Variants in TPO observed in about 807,000 individuals in gnomAD.
TPO encodes the protein thyroid peroxidase, also known as thyroid microsomal antigen.
A neutral mutation model predicts 96.9 loss-of-function variants in TPO; 78 were observed. The ratio of observed to expected loss-of-function variants is 0.81; its 90% CI spans 0.67 to 0.97. TPO has a LOEUF of 0.97. Ranked by LOEUF, TPO falls within the 50% of genes least tolerant of loss-of-function variation. The pLI is 0.00. For missense variants in TPO, 1,252 were observed against 1,274.8 expected (o/e 0.98, Z 0.27); for synonymous variants, 547 against 538.0 (o/e 1.02, Z -0.23).
Position 1,498,336 on chromosome 2 carries a change from G to C in TPO, c.2386+1571G>C, listed in dbSNP as rs572073073. Among the ~76,000 whole-genome samples, 5 of 152,306 alleles carry C rather than the reference G, an allele frequency of 3.3e-5. No individual in the cohort carries two copies. In the South Asian group the frequency reaches 1.0e-3, roughly 32 times the overall value. ...TCTGTGGTCTCAGGTGCCCTCCCGG[G>C]AGCCACCTTCCCATTAGAAGAGGAG... On this transcript the variant is annotated intron_variant, in intron 13 of 16. Transcript: ENST00000329066.
At chr2:1,464,575 A>AT (rs917371437) in intron 7 of TPO, among the ~76,000 whole-genome samples, 3 of 151,856 alleles carry the variant, frequency 2.0e-5, no homozygotes, top group South Asian at 2.1e-4. Context: ...TTATTCGTTG[A>AT]TTTTTTTTAT....
At chr2:1,378,875 G>C (rs1406783416) in intron 1 of TPO, among the ~76,000 whole-genome samples, 1 of 151,192 alleles carries the variant, frequency 6.6e-6, no homozygotes, top group Non-Finnish European at 1.5e-5. Flanking sequence ...CCCCTGTTCT[G>C]GGGAAACTAG....
rs1042589 is a variant in TPO, at chr2:1,542,555, C to G, written c.*81C>G. 0.43 allele frequency: 682,846 copies of G among 1,594,544 alleles called. 148,689 individuals carry two copies. The highest frequency in any genetic ancestry group is 0.5 in the Middle Eastern group (3,044 of 6,028). On this transcript the variant is annotated 3_prime_UTR_variant, in exon 17 of 17. Coordinates refer to ENST00000329066, the MANE Select transcript of TPO (RefSeq NM_001206744.2). Reference sequence around the variant, plus strand: ...ACTCTTTTCCAAACACAGGCAAATCCGAAATCAGCAGGACGACTGTTTTCC... The same window carrying G: ...ACTCTTTTCCAAACACAGGCAAATCGGAAATCAGCAGGACGACTGTTTTCC...
chr2:1,409,521 TC>T (rs1245654732), upstream of TPO, among the ~76,000 whole-genome samples: 1 of 152,120 alleles, frequency 6.6e-6, no homozygotes, highest in Non-Finnish European at 1.5e-5. Context: ...CAAACCTCCT[TC>T]ACCCACCTGC....
intron 5 of TPO, among the ~76,000 whole-genome samples, chr2:1,448,007 G>A (rs879762005): frequency 3.3e-5 from 5 of 152,324 alleles, no homozygotes; most frequent in Admixed American, 6.5e-5. Context: ...GCACTGGGGC[G>A]CAGGTGGCAG....
At chr2:1,402,040 C>T (rs1019850323) in intron 1 of TPO, among the ~76,000 whole-genome samples, 1 of 152,198 alleles carries the variant, frequency 6.6e-6, no homozygotes, top group Non-Finnish European at 1.5e-5. Flanking sequence ...TTCCTGGCTG[C>T]TCCTCATCTG....
intron 15 of TPO, among the ~76,000 whole-genome samples, chr2:1,525,429 AACC>A (rs1455048251): frequency 1.1e-4 from 10 of 90,634 alleles, no homozygotes; most frequent in East Asian, 3.6e-4. Flanking sequence ...CACTGTGTGC[AACC>A]TCCCCAAAAC....
chr2:1,497,618 G>C (rs543754682), intron 13 of TPO, among the ~76,000 whole-genome samples: 1 of 152,246 alleles, frequency 6.6e-6, no homozygotes, highest in East Asian at 1.9e-4. Flanking sequence ...GGGCAGGCAG[G>C]AGCAGGAATG....
chr2:1,445,353 T>A (rs1666683009), intron 5 of TPO, among the ~76,000 whole-genome samples: 5 of 78,820 alleles, frequency 6.3e-5, no homozygotes, highest in Admixed American at 6.1e-4. Flanking sequence ...GGAGGCACTG[T>A]GTTGGAAGGG....
intron 1 of TPO, among the ~76,000 whole-genome samples, chr2:1,395,128 C>T (rs1245522396): frequency 1.3e-5 from 2 of 152,176 alleles, no homozygotes; most frequent in Non-Finnish European, 1.5e-5. Flanking sequence ...GCATCAGCCA[C>T]TTCTCTTTCT....
At chr2:1,537,427 A>C (rs1680012540) in intron 15 of TPO, among the ~76,000 whole-genome samples, 1 of 71,298 alleles carries the variant, frequency 1.4e-5, no homozygotes. Context: ...AAACCCTCCC[A>C]TTGTGTGCAA....
chr2:1,494,553 T>C (rs1238081317), intron 11 of TPO, among the ~76,000 whole-genome samples: 1 of 152,150 alleles, frequency 6.6e-6, no homozygotes, highest in African/African-American at 2.4e-5. Flanking sequence ...GCCTCATGCA[T>C]GTCTGCTCCC....
intron 13 of TPO, among the ~76,000 whole-genome samples, chr2:1,501,715 G>A (rs1449782364): frequency 6.6e-6 from 1 of 152,130 alleles, no homozygotes; most frequent in African/African-American, 2.4e-5. Flanking sequence ...GACCCAGGAT[G>A]GAAATAAAGC....
At chr2:1,415,067 C>G in intron 2 of TPO, among the ~76,000 whole-genome samples, 1 of 152,142 alleles carries the variant, frequency 6.6e-6, no homozygotes, top group Non-Finnish European at 1.5e-5. Context: ...TGGGCAGGTC[C>G]CTGGGCCTCT....
Position 1,542,634 on chromosome 2 carries a change from A to AAATGTTATAGCTGCATTT in TPO, c.*161_*178dup. 1 of 1,547,390 alleles carries AAATGTTATAGCTGCATTT rather than the reference A, an allele frequency of 6.5e-7. No homozygotes were observed. Among genetic ancestry groups the AAATGTTATAGCTGCATTT allele is most frequent in the South Asian group, 1.2e-5 (1 of 83,098 alleles). On this transcript the variant is annotated 3_prime_UTR_variant, in exon 17 of 17. Transcript: ENST00000329066. ...TAGTTACTCTCAGGCATGGATGAAT[A>AAATGTTATAGCTGCATTT]AATGTTATAGCTGCATTTGTCTGGC... is the stretch of plus-strand genomic sequence containing the variant.
chr2:1,512,182 C>T (rs1014448668), intron 14 of TPO, among the ~76,000 whole-genome samples: 3 of 152,204 alleles, frequency 2.0e-5, no homozygotes, highest in South Asian at 2.1e-4. Context: ...TACAGGCGCC[C>T]GCCACCACGC....
At chr2:1,436,882 C>T (rs867525032) in intron 5 of TPO, among the ~76,000 whole-genome samples, 129 of 152,214 alleles carry the variant, frequency 8.5e-4, no homozygotes, top group African/African-American at 2.8e-3. Flanking sequence ...TCCCCATTCA[C>T]GCTCCCTGTT....
chr2:1,533,427 G>T (rs1001347236), intron 15 of TPO, among the ~76,000 whole-genome samples: 3 of 93,168 alleles, frequency 3.2e-5, no homozygotes, highest in East Asian at 6.4e-4. Context: ...CCCCAAATGT[G>T]TGCAACCTCC....
Position 1,433,461 on chromosome 2 carries a change from T to A in TPO, c.203T>A (p.Leu68His), listed in dbSNP as rs1338916377. ...MQRNLKKRGI[L>H]SPAQLLSFSK... The stretch of plus-strand genomic sequence containing the variant: ...AGAAACCTCAAGAAAAGAGGAATCC[T>A]TTCTCCAGCTCAGCTTCTGTCTTTT... The change falls in exon 4 of 17, where the codon CTT becomes CAT. Residue 68 changes from leucine (L) to histidine (H), a missense_variant. Transcript: ENST00000329066. 1 of 1,614,238 alleles carries A rather than the reference T, an allele frequency of 6.2e-7. No individual in the cohort carries two copies. Among genetic ancestry groups the A allele is most frequent in the South Asian group, 1.1e-5 (1 of 91,088 alleles).
Sources: gnomAD v4.1 joint callset for allele counts (sites outside exome capture counted in the v4.1 genomes callset) on GRCh38, gnomAD v4.1.1 for gene constraint, MANE v1.5 for transcripts, NCBI Gene and HGNC (gene_info 2026-07-23, HGNC 2026-07-21) for gene names.